The following MARCHF1 variants were observed in gnomAD, a reference collection of about 807,000 sequenced individuals.
MARCHF1 encodes the protein E3 ubiquitin-protein ligase MARCHF1.
Under a neutral mutation model 54.2 loss-of-function variants are expected in MARCHF1, and 40 were observed. The observed-to-expected ratio is 0.74, with a 90% confidence interval of 0.57 to 0.96. The LOEUF is 0.96. Ranked by LOEUF, MARCHF1 falls within the 40% of genes least tolerant of loss-of-function variation. MARCHF1 has a pLI of 0.00. For missense variants in MARCHF1, 586 were observed against 656.5 expected (o/e 0.89, Z 1.17); for synonymous variants, 236 against 236.3 (o/e 1.00, Z 0.01).
intron 1 of MARCHF1, among the ~76,000 whole-genome samples, chr4:164,295,868 TGA>T (rs2111379762): frequency 6.6e-6 from 1 of 152,236 alleles, no homozygotes; most frequent in East Asian, 1.9e-4. Context: ...TGGTTATACT[TGA>T]GAGTTAGTTA....
chr4:163,752,371 G>T (rs1435094724), intron 4 of MARCHF1, among the ~76,000 whole-genome samples: 2 of 152,144 alleles, frequency 1.3e-5, no homozygotes, highest in African/African-American at 2.4e-5. Context: ...TTGAACAAAA[G>T]ATATCACAAC....
intron 1 of MARCHF1, among the ~76,000 whole-genome samples, chr4:164,241,226 C>A (rs1486577403): frequency 6.6e-6 from 1 of 152,144 alleles, no homozygotes; most frequent in African/African-American, 2.4e-5. Flanking sequence ...CCCAACCAAT[C>A]AGCAGTATCT....
At chr4:163,605,322 T>C (rs1741106705) in intron 7 of MARCHF1, among the ~76,000 whole-genome samples, 1 of 152,110 alleles carries the variant, frequency 6.6e-6, no homozygotes, top group Admixed American at 6.5e-5. Context: ...TAATCACTGG[T>C]CATTAGAGAA....
chr4:164,350,423 T>A (rs1730250256), intron 1 of MARCHF1, among the ~76,000 whole-genome samples: 1 of 152,106 alleles, frequency 6.6e-6, no homozygotes, highest in African/African-American at 2.4e-5. Context: ...GAGGAATAAG[T>A]TCTAGTGTTC....
chr4:163,581,310 A>C (rs1490116415), intron 8 of MARCHF1, among the ~76,000 whole-genome samples: 3 of 152,216 alleles, frequency 2.0e-5, no homozygotes, highest in African/African-American at 7.2e-5. Flanking sequence ...GAATTAGTTA[A>C]ATGATATATG....
At chr4:164,220,145 G>A (rs1393852094) in intron 1 of MARCHF1, among the ~76,000 whole-genome samples, 2 of 151,114 alleles carry the variant, frequency 1.3e-5, no homozygotes, top group African/African-American at 4.9e-5. Flanking sequence ...TTAAACATTT[G>A]AATGAAATAG....
At chr4:163,545,801 CTT>C in intron 8 of MARCHF1, 58 bp from the exon 9 acceptor site, 1 of 1,523,044 alleles carries the variant, frequency 6.6e-7, no homozygotes, top group Non-Finnish European at 9.1e-7. Flanking sequence ...TTTTGCTCCT[CTT>C]TTATTTCCCA....
chr4:164,038,346 T>C (rs972610237), intron 2 of MARCHF1, among the ~76,000 whole-genome samples: 2 of 151,828 alleles, frequency 1.3e-5, no homozygotes, highest in Non-Finnish European at 2.9e-5. Flanking sequence ...ACAAAAAAAT[T>C]ATCCAGGCGT....
chr4:163,912,964 G>C (rs975405383), intron 3 of MARCHF1, among the ~76,000 whole-genome samples: 6 of 152,056 alleles, frequency 3.9e-5, no homozygotes, highest in African/African-American at 1.2e-4. Flanking sequence ...TCACAGAAAG[G>C]CTCTTCCTAG....
intron 5 of MARCHF1, among the ~76,000 whole-genome samples, chr4:163,669,610 T>A (rs1200994609): frequency 6.6e-6 from 1 of 151,816 alleles, no homozygotes; most frequent in East Asian, 1.9e-4. Context: ...TCTTTTTTTT[T>A]TTTTTTGAGA....
At chr4:163,595,373 G>A (rs886739167) in intron 7 of MARCHF1, among the ~76,000 whole-genome samples, 13 of 151,850 alleles carry the variant, frequency 8.6e-5, no homozygotes, top group African/African-American at 2.2e-4. Context: ...AAAAATTAGC[G>A]GAGTGTGGTG....
At chr4:163,859,854 T>TA (rs1278104570) in intron 3 of MARCHF1, among the ~76,000 whole-genome samples, 1 of 152,182 alleles carries the variant, frequency 6.6e-6, no homozygotes, top group Non-Finnish European at 1.5e-5. Context: ...CATAAATAGT[T>TA]ACACCCAGAG....
chr4:163,871,412 T>C (rs1450927008), intron 3 of MARCHF1, among the ~76,000 whole-genome samples: 4 of 152,170 alleles, frequency 2.6e-5, no homozygotes, highest in Non-Finnish European at 4.4e-5. Context: ...TTACCTTGTG[T>C]TATGCCTAAT....
rs573473688 is a variant in MARCHF1 at position 163,991,402 on chromosome 4, C to T, written c.-247-2693G>A. The stretch of plus-strand genomic sequence containing the variant: ...AATACACATCAGCTAATATCAATGT[C>T]TTGCACTTACCTAATACCTTTCCTC... On this transcript the variant is annotated intron_variant, in intron 2 of 9. Transcript: ENST00000514618. 3.3e-5 allele frequency among the ~76,000 whole-genome samples: 5 copies of T among 152,298 alleles called. No homozygotes were observed. In the South Asian group the frequency reaches 6.2e-4, roughly 19 times the overall value.
At chr4:163,989,459 T>C (rs1752933081) in intron 2 of MARCHF1, among the ~76,000 whole-genome samples, 2 of 152,176 alleles carry the variant, frequency 1.3e-5, no homozygotes, top group South Asian at 4.1e-4. Flanking sequence ...AGCTCTATAC[T>C]ACTCATTTCA....
chr4:164,114,788 C>G (rs984140321), intron 1 of MARCHF1, among the ~76,000 whole-genome samples: 2 of 148,280 alleles, frequency 1.3e-5, no homozygotes, highest in African/African-American at 5.0e-5. Context: ...TTGGAGAATT[C>G]AGAGTGAATT....
At chr4:164,172,990 A>AAAAAAAT (rs1366169076) in intron 1 of MARCHF1, among the ~76,000 whole-genome samples, 1 of 152,004 alleles carries the variant, frequency 6.6e-6, no homozygotes, top group African/African-American at 2.4e-5. Flanking sequence ...CAAAAAAAAA[A>AAAAAAAT]AAAAAAGTCA....
intron 3 of MARCHF1, among the ~76,000 whole-genome samples, chr4:163,887,634 G>A (rs2111260181): frequency 6.6e-6 from 1 of 152,302 alleles, no homozygotes; most frequent in East Asian, 1.9e-4. Flanking sequence ...CTTACGAAGA[G>A]AGTGCTACAA....
At chr4:163,659,383 AC>A (rs1743263207) in intron 5 of MARCHF1, among the ~76,000 whole-genome samples, 2 of 152,054 alleles carry the variant, frequency 1.3e-5, no homozygotes, top group African/African-American at 4.8e-5. Context: ...CCTTCCTTAC[AC>A]CTTATACAAA....
Sources: gnomAD v4.1 joint callset for allele counts (sites outside exome capture counted in the v4.1 genomes callset) on GRCh38, gnomAD v4.1.1 for gene constraint, MANE v1.5 for transcripts, NCBI Gene and HGNC (gene_info 2026-07-23, HGNC 2026-07-21) for gene names.